Variants in STARD13 observed in about 807,000 individuals in gnomAD.
The protein encoded by STARD13 is StAR related lipid transfer domain containing 13.
STARD13 carries 62 observed loss-of-function variants against 106.4 expected under a neutral mutation model. The ratio of observed to expected loss-of-function variants is 0.58; its 90% confidence interval spans 0.48 to 0.72. The LOEUF (loss-of-function observed/expected upper bound fraction) is 0.72. Among genes scored for constraint, STARD13 ranks in the 30% least tolerant of loss-of-function variants. STARD13 has a pLI of 0.00. For missense variants in STARD13, 1,387 were observed against 1,424.0 expected (o/e 0.97, Z 0.42); for synonymous variants, 565 against 553.0 (o/e 1.02, Z -0.31).
chr13:33,174,111 A>T (rs1884270198), intron 1 of STARD13, among the ~76,000 whole-genome samples: 1 of 152,192 alleles, frequency 6.6e-6, no homozygotes, highest in Admixed American at 6.5e-5. Flanking sequence ...AGTAGAGAAT[A>T]AACCTAAGCA....
In STARD13 at chr13:33,115,331, C is replaced by T. The variant is rs577074159; in HGVS notation, c.2282-2400G>A. Among the ~76,000 whole-genome samples, 6 of 152,340 alleles carry T rather than the reference C, an allele frequency of 3.9e-5. No homozygotes were observed. In the East Asian group the frequency reaches 1.2e-3, roughly 29 times the overall value. The stretch of plus-strand genomic sequence containing the variant: ...CTAGGGTCTATGCATGGAATATCTT[C>T]TCTCCAGTCTCACTGCTGGAAGTCC... On this transcript the variant is annotated intron_variant, in intron 8 of 13. Transcript: ENST00000336934.
the STARD13 span, among the ~76,000 whole-genome samples, chr13:33,383,957 C>T: frequency 1.3e-5 from 2 of 151,892 alleles, no homozygotes; most frequent in Non-Finnish European, 2.9e-5. Flanking sequence ...GCAGGGAGCT[C>T]GTTCAAGGGC....
At chr13:33,660,684 A>C in the STARD13 span, among the ~76,000 whole-genome samples, 1 of 152,218 alleles carries the variant, frequency 6.6e-6, no homozygotes. Context: ...CCTGGGCTCA[A>C]GTCATCCTCC....
At chr13:33,256,379 C>T (rs557081002) in intron 1 of STARD13, among the ~76,000 whole-genome samples, 159 of 152,350 alleles carry the variant, frequency 1.0e-3, no homozygotes, top group African/African-American at 3.6e-3. Context: ...GTGTCCGCCT[C>T]ACTTCCTCCC....
chr13:33,306,843 G>A (rs529024114), intron 1 of STARD13, among the ~76,000 whole-genome samples: 3 of 152,202 alleles, frequency 2.0e-5, no homozygotes, highest in African/African-American at 2.4e-5. Flanking sequence ...CCAGCTACTC[G>A]GGAGGCTGAG....
chr13:33,250,020 G>A (rs1031866286), intron 1 of STARD13, among the ~76,000 whole-genome samples: 5 of 151,922 alleles, frequency 3.3e-5, no homozygotes, highest in Non-Finnish European at 5.9e-5. Context: ...TGAACTCCCG[G>A]GCTCAAGTGA....
chr13:33,540,311 A>G, the STARD13 span, among the ~76,000 whole-genome samples: 1 of 152,248 alleles, frequency 6.6e-6, no homozygotes. Context: ...ACTTAAAGGA[A>G]GCACATTAAG....
chr13:33,130,386 C>A lies in STARD13; in HGVS notation c.388-97G>T. ...GCAGCCCTGTGTGGTCCTCCACCTC[C>A]CTCCCCTCTGTCCTCCCATGCACAG... On this transcript the variant is annotated intron_variant, in intron 4 of 13. Coordinates refer to ENST00000336934, the MANE Select transcript of STARD13 (RefSeq NM_178006.4). The surrounding 1 kb of genome is among the most constrained non-coding windows in gnomAD (Gnocchi z 4.1). 1 of 1,204,010 alleles carries A rather than the reference C, an allele frequency of 8.3e-7. No homozygotes were observed. Among genetic ancestry groups the A allele is most frequent in the Non-Finnish European group, 1.2e-6 (1 of 856,960 alleles). The allele number at this position is 1,204,010 out of a possible 1,614,324, so 74.6% of individuals were successfully genotyped here.
chr13:33,452,703 A>G, the STARD13 span, among the ~76,000 whole-genome samples: 1 of 152,236 alleles, frequency 6.6e-6, no homozygotes, highest in Non-Finnish European at 1.5e-5. Flanking sequence ...GTAGTAATAT[A>G]GACCTCATAA....
the STARD13 span, among the ~76,000 whole-genome samples, chr13:33,615,017 T>C: frequency 6.6e-6 from 1 of 152,000 alleles, no homozygotes; most frequent in Admixed American, 6.6e-5. Flanking sequence ...AGGACAAGAA[T>C]AGAAGAAAAG....
the STARD13 span, among the ~76,000 whole-genome samples, chr13:33,639,129 T>A: frequency 7.2e-5 from 11 of 152,162 alleles, no homozygotes; most frequent in East Asian, 2.1e-3. Context: ...AATGGACAAA[T>A]AAGATAATGC....
intron 7 of STARD13, among the ~76,000 whole-genome samples, chr13:33,119,675 T>C (rs1875964834): frequency 6.6e-6 from 1 of 152,226 alleles, no homozygotes; most frequent in Non-Finnish European, 1.5e-5. Context: ...AAAAACAGAA[T>C]TCTTAGTAAT....
the STARD13 span, among the ~76,000 whole-genome samples, chr13:33,369,940 C>T: frequency 6.6e-6 from 1 of 152,126 alleles, no homozygotes; most frequent in Non-Finnish European, 1.5e-5. Context: ...GATAAATTAT[C>T]ATGATAGCTT....
At chr13:33,535,433 T>C in the STARD13 span, among the ~76,000 whole-genome samples, 4 of 152,276 alleles carry the variant, frequency 2.6e-5, no homozygotes, top group African/African-American at 9.6e-5. Flanking sequence ...TTAAGTAAAA[T>C]ATATTTTGTA....
intron 1 of STARD13, among the ~76,000 whole-genome samples, chr13:33,327,696 T>C (rs2077792122): frequency 6.6e-6 from 1 of 152,242 alleles, no homozygotes; most frequent in Non-Finnish European, 1.5e-5. Flanking sequence ...TAATCAGTAT[T>C]ATTTTTTATC....
chr13:33,274,124 G>A (rs1339689959), intron 1 of STARD13: 2 of 150,836 alleles, frequency 1.3e-5, no homozygotes, highest in Non-Finnish European at 2.9e-5. Context: ...AATAAAATTG[G>A]GAAATAAATA....
chr13:33,455,446 G>A, the STARD13 span, among the ~76,000 whole-genome samples: 1 of 152,136 alleles, frequency 6.6e-6, no homozygotes, highest in Non-Finnish European at 1.5e-5. Context: ...GTGAAGCCAG[G>A]CTGAAGGACA....
At chr13:33,117,792 T>C (rs1402206358) in intron 8 of STARD13, 12 of 973,720 alleles carry the variant, frequency 1.2e-5, no homozygotes, top group African/African-American at 8.8e-5. Context: ...TTTTTGTAAA[T>C]GTATTGAAAG....
At chr13:33,233,468 G>A (rs1256140313) in intron 1 of STARD13, among the ~76,000 whole-genome samples, 2 of 152,182 alleles carry the variant, frequency 1.3e-5, no homozygotes, top group Non-Finnish European at 2.9e-5. Flanking sequence ...CAGGGAAGAC[G>A]ACCTGCCCTT....
Sources: gnomAD v4.1 joint callset for allele counts (sites outside exome capture counted in the v4.1 genomes callset) on GRCh38, gnomAD v4.1.1 for gene constraint, Gnocchi (gnomAD v3.1) non-coding constraint, MANE v1.5 for transcripts, NCBI Gene and HGNC (gene_info 2026-07-23, HGNC 2026-07-21) for gene names.